The following LARGE1 variants were observed in gnomAD, a reference collection of about 807,000 sequenced individuals.
The protein encoded by LARGE1 is xylosyl- and glucuronyltransferase LARGE1.
LARGE1 carries 43 observed loss-of-function variants against 87.6 expected under a neutral mutation model. The observed-to-expected ratio is 0.49, with a 90% CI of 0.38 to 0.63. LARGE1 has a LOEUF of 0.63. LARGE1 is among the 30% of genes least tolerant of loss of function. The probability of loss-of-function intolerance (pLI) is 0.00; values close to 1 mark genes in which losing one functional copy is unlikely to be tolerated. For missense variants in LARGE1, 802 were observed against 1,000.2 expected (o/e 0.80, Z 2.67); for synonymous variants, 434 against 394.6 (o/e 1.10, Z -1.18).
At chr22:33,585,606 G>C (rs1190923805) in intron 5 of LARGE1, among the ~76,000 whole-genome samples, 1 of 152,172 alleles carries the variant, frequency 6.6e-6, no homozygotes, top group Non-Finnish European at 1.5e-5. Context: ...CCACCATGAG[G>C]AGCCCACGAA....
intron 7 of LARGE1, among the ~76,000 whole-genome samples, chr22:33,402,641 G>C (rs973489282): frequency 6.6e-6 from 1 of 152,170 alleles, no homozygotes; most frequent in African/African-American, 2.4e-5. Flanking sequence ...ACTGTTGGGA[G>C]AATCAAATAA....
At chr22:33,445,644 C>A (rs1489111274) in intron 6 of LARGE1, among the ~76,000 whole-genome samples, 1 of 149,010 alleles carries the variant, frequency 6.7e-6, no homozygotes, top group Non-Finnish European at 1.5e-5. Context: ...TCTAAGGGGG[C>A]CACTTTTTTT....
chr22:33,325,824 G>A (rs905269194), intron 10 of LARGE1, among the ~76,000 whole-genome samples: 2 of 152,104 alleles, frequency 1.3e-5, no homozygotes, highest in African/African-American at 4.8e-5. Flanking sequence ...TGGTGGCTTC[G>A]TATCCACTAT....
At chr22:33,480,991 C>CT (rs2069295982) in intron 6 of LARGE1, among the ~76,000 whole-genome samples, 1 of 151,828 alleles carries the variant, frequency 6.6e-6, no homozygotes, top group Non-Finnish European at 1.5e-5. Context: ...TGGAAGTTGC[C>CT]TATGTTTTCA....
chr22:33,450,901 A>C (rs2067889187), intron 6 of LARGE1, among the ~76,000 whole-genome samples: 1 of 152,182 alleles, frequency 6.6e-6, no homozygotes. Context: ...GGCTTTGTTT[A>C]GGCCATCACA....
chr22:33,192,293 C>T (rs914374523), intron 11 of LARGE1, among the ~76,000 whole-genome samples: 2 of 152,160 alleles, frequency 1.3e-5, no homozygotes, highest in African/African-American at 4.8e-5. Context: ...TGTGTTAACT[C>T]AACCCTCAAA....
At position 33,688,477 on chromosome 22, in the gene LARGE1, G is replaced by A. The variant is rs1488237360; in HGVS notation, c.107-37809C>T. ...AGCAATTCTCCTGCCTCAGTCTCCC[G>A]AGTAGCTGGGATTACAGGCATGCAC... is the stretch of plus-strand genomic sequence containing the variant. On this transcript the variant is annotated intron_variant, in intron 2 of 14. Coordinates refer to ENST00000397394, the MANE Select transcript of LARGE1 (RefSeq NM_133642.5). Among the ~76,000 whole-genome samples, 5 of 151,994 alleles carry A rather than the reference G, an allele frequency of 3.3e-5. No individual in the cohort carries two copies. The South Asian group carries it at 6.2e-4, about 19-fold the overall frequency.
At chr22:33,422,820 G>A (rs577594776) in intron 7 of LARGE1, among the ~76,000 whole-genome samples, 3 of 152,080 alleles carry the variant, frequency 2.0e-5, no homozygotes, top group Admixed American at 1.3e-4. Context: ...TCATGAGAAC[G>A]GCACCAAGGT....
At chr22:33,787,112 C>T (rs1180700202) in intron 1 of LARGE1, among the ~76,000 whole-genome samples, 5 of 152,034 alleles carry the variant, frequency 3.3e-5, no homozygotes, top group South Asian at 2.1e-4. Context: ...CTTCATTCCA[C>T]GTTAAGTGAA....
At chr22:33,510,337 A>G (rs2070997322) in intron 6 of LARGE1, among the ~76,000 whole-genome samples, 1 of 152,218 alleles carries the variant, frequency 6.6e-6, no homozygotes, top group Non-Finnish European at 1.5e-5. Context: ...ATCAATAACT[A>G]TATGAGTTAG....
intron 1 of LARGE1, among the ~76,000 whole-genome samples, chr22:33,777,225 C>G (rs2085265998): frequency 6.6e-6 from 1 of 152,180 alleles, no homozygotes; most frequent in South Asian, 2.1e-4. Flanking sequence ...ACAGAGAACA[C>G]TCAGATAATG....
At chr22:33,259,780 A>G (rs949262884) in intron 11 of LARGE1, among the ~76,000 whole-genome samples, 6 of 152,102 alleles carry the variant, frequency 3.9e-5, no homozygotes, top group Non-Finnish European at 7.4e-5. Flanking sequence ...GTTAGAGAAG[A>G]CCCAGGAGTG....
intron 11 of LARGE1, among the ~76,000 whole-genome samples, chr22:33,242,866 G>A (rs1191990709): frequency 6.6e-6 from 1 of 152,182 alleles, no homozygotes. Flanking sequence ...TTCTACACCA[G>A]CTTCTGGTGG....
chr22:33,761,599 C>G (rs1319177208), intron 1 of LARGE1, 41 bp from the exon 2 acceptor site: 1 of 766,962 alleles, frequency 1.3e-6, no homozygotes, highest in Non-Finnish European at 2.3e-6. Context: ...GTTCTTAGCA[C>G]TGGAGATGGG....
chr22:33,486,576 A>T (rs1359855570), intron 6 of LARGE1, among the ~76,000 whole-genome samples: 1 of 152,110 alleles, frequency 6.6e-6, no homozygotes, highest in Non-Finnish European at 1.5e-5. Context: ...AGACTGAGGA[A>T]ATCCATTGGG....
intron 6 of LARGE1, among the ~76,000 whole-genome samples, chr22:33,470,737 G>C (rs551267532): frequency 6.6e-6 from 1 of 152,186 alleles, no homozygotes; most frequent in Non-Finnish European, 1.5e-5. Context: ...TCTGAATGCA[G>C]GTCCCCATTC....
At chr22:33,110,362 T>C in the LARGE1 span, 7 of 152,248 alleles carry the variant, frequency 4.6e-5, no homozygotes, top group East Asian at 1.9e-4. Flanking sequence ...TGAGCGTACG[T>C]TTTGAATAAA....
intron 2 of LARGE1, among the ~76,000 whole-genome samples, chr22:33,702,874 G>A (rs1297926104): frequency 6.6e-6 from 1 of 152,194 alleles, no homozygotes; most frequent in Non-Finnish European, 1.5e-5. Context: ...CAATGGAGCA[G>A]GAGAAAGATT....
At chr22:33,373,164 G>GA (rs1267611917) in intron 9 of LARGE1, among the ~76,000 whole-genome samples, 1 of 152,154 alleles carries the variant, frequency 6.6e-6, no homozygotes, top group Admixed American at 6.5e-5. Flanking sequence ...CCTGTAATTA[G>GA]AAGGCAATTA....
Sources: allele counts gnomAD v4.1 joint callset (sites outside exome capture counted in the v4.1 genomes callset), GRCh38; gene constraint gnomAD v4.1.1; transcripts MANE v1.5; gene names NCBI Gene and HGNC (gene_info 2026-07-23, HGNC 2026-07-21).